The following RAI14 variants were observed in gnomAD, a reference collection of about 807,000 sequenced individuals.
RAI14 encodes the protein retinoic acid induced 14, also known as ankycorbin.
In RAI14, 45 loss-of-function variants were observed where a neutral mutation model predicts 115.4. That is an observed-to-expected ratio of 0.39 (90% confidence interval 0.31 to 0.50). RAI14 has a LOEUF of 0.50. Ranked by LOEUF, RAI14 falls within the 20% of genes least tolerant of loss-of-function variation. The probability of loss-of-function intolerance (pLI) is 0.85; values close to 1 mark genes in which losing one functional copy is unlikely to be tolerated. For missense variants in RAI14, 939 were observed against 1,131.2 expected, an observed-to-expected ratio of 0.83 and a Z score of 2.44; for synonymous variants, 371 against 415.4, an observed-to-expected ratio of 0.89 and a Z score of 1.30.
intron 1 of RAI14, among the ~76,000 whole-genome samples, chr5:34,670,031 A>G (rs936301251): frequency 6.6e-6 from 1 of 152,254 alleles, no homozygotes; most frequent in Admixed American, 6.5e-5. Context: ...GAACAAAGAA[A>G]TAAAGATGCT....
chr5:34,687,617 A>G, intron 2 of RAI14: 1 of 1,547,122 alleles, frequency 6.5e-7, no homozygotes, highest in South Asian at 1.2e-5. Context: ...AGGTCACCCC[A>G]TAAACCCTTC....
chr5:34,743,543 A>G (rs1210061956), intron 2 of RAI14, among the ~76,000 whole-genome samples: 1 of 152,222 alleles, frequency 6.6e-6, no homozygotes, highest in African/African-American at 2.4e-5. Context: ...TTCCAGGTAG[A>G]CATGAATGTT....
At chr5:34,673,975 A>G (rs1332079276) in intron 1 of RAI14, among the ~76,000 whole-genome samples, 1 of 152,120 alleles carries the variant, frequency 6.6e-6, no homozygotes, top group Non-Finnish European at 1.5e-5. Context: ...TGGGGAGGGT[A>G]GGAGGGAAGG....
intron 2 of RAI14, among the ~76,000 whole-genome samples, chr5:34,735,037 T>A (rs763421157): frequency 1.3e-5 from 2 of 152,192 alleles, no homozygotes; most frequent in Admixed American, 6.5e-5. Flanking sequence ...CTGCTTATAA[T>A]GAAAACCTGG....
At chr5:34,687,049 A>T in intron 2 of RAI14, 94 bp downstream of exon 2, 1 of 1,364,238 alleles carries the variant, frequency 7.3e-7, no homozygotes, top group South Asian at 1.2e-5. Flanking sequence ...CTGTTGGGTT[A>T]ATAAACTACA....
intron 2 of RAI14, among the ~76,000 whole-genome samples, chr5:34,744,090 T>C (rs1322688797): frequency 2.0e-5 from 3 of 152,026 alleles, no homozygotes; most frequent in Non-Finnish European, 4.4e-5. Context: ...AGCTCAGGAG[T>C]TGTGGCTGCT....
chr5:34,666,294 G>GC (rs1014675496), intron 1 of RAI14, among the ~76,000 whole-genome samples: 8 of 151,520 alleles, frequency 5.3e-5, no homozygotes, highest in African/African-American at 2.0e-4. Flanking sequence ...AGATGTCCCG[G>GC]CCCCCCGACA....
chr5:34,690,808 T>C (rs191816612), intron 2 of RAI14, among the ~76,000 whole-genome samples: 173 of 152,300 alleles, frequency 1.1e-3, no homozygotes, highest in African/African-American at 4.1e-3. Flanking sequence ...ATTTATAACT[T>C]TATTTTGGGA....
At chr5:34,797,919 T>C (rs1296668778) in intron 4 of RAI14, among the ~76,000 whole-genome samples, 1 of 152,252 alleles carries the variant, frequency 6.6e-6, no homozygotes, top group African/African-American at 2.4e-5. Flanking sequence ...TTTGTTTCAT[T>C]GTACTTGATA....
At chr5:34,715,950 A>T (rs1561270160) in intron 2 of RAI14, 5 of 320,454 alleles carry the variant, frequency 1.6e-5, no homozygotes, top group South Asian at 1.3e-4. Flanking sequence ...AGGCTTTTTT[A>T]AAAAAAGAAA....
intron 17 of RAI14, 176 bp downstream of exon 17, chr5:34,829,973 GCCCTGTTTA>G (rs1429278957): frequency 1.3e-5 from 7 of 556,734 alleles, no homozygotes; most frequent in Non-Finnish European, 2.2e-5. Flanking sequence ...GGAGCCTTGT[GCCCTGTTTA>G]CCAGGAACAG....
intron 2 of RAI14, among the ~76,000 whole-genome samples, chr5:34,720,780 T>C (rs913073652): frequency 6.6e-6 from 1 of 152,078 alleles, no homozygotes; most frequent in Non-Finnish European, 1.5e-5. Flanking sequence ...GTTTGGAGTA[T>C]GTGAGGGATA....
chr5:34,818,890 C>T lies in RAI14; in HGVS notation c.994+39C>T, dbSNP rs759377216. 3.9e-6 allele frequency: 6 copies of T among 1,543,274 alleles called. No individual in the cohort carries two copies. The East Asian group carries it at 1.3e-4, about 35-fold the overall frequency. ...GCATCTGTTTTTTTTTTTCCTTCAACCAAACTATTTCATGTCCATTTAAAG... is the reference window on the plus strand; with the variant it reads ...GCATCTGTTTTTTTTTTTCCTTCAATCAAACTATTTCATGTCCATTTAAAG... On this transcript the variant is annotated intron_variant, in intron 13 of 17. Transcript: ENST00000265109.
At chr5:34,682,524 CAAT>C (rs1294212460) in intron 1 of RAI14, among the ~76,000 whole-genome samples, 3 of 151,956 alleles carry the variant, frequency 2.0e-5, no homozygotes, top group African/African-American at 7.3e-5. Flanking sequence ...TGATAATAAA[CAAT>C]GTTACATCCA....
At chr5:34,814,868 A>G (rs1476045884) in intron 12 of RAI14, among the ~76,000 whole-genome samples, 199 bp downstream of exon 12, 1 of 152,226 alleles carries the variant, frequency 6.6e-6, no homozygotes, top group Non-Finnish European at 1.5e-5. Flanking sequence ...GTTTGTATCC[A>G]TAATAATTTA....
chr5:34,665,150 T>C (rs376515240), intron 1 of RAI14, among the ~76,000 whole-genome samples: 2,721 of 46,680 alleles, frequency 0.058, 1,073 homozygotes, highest in South Asian at 0.46. Context: ...TACACATATA[T>C]ATGTGTGTGT....
intron 2 of RAI14, among the ~76,000 whole-genome samples, chr5:34,720,361 G>A (rs974995184): frequency 9.4e-5 from 14 of 148,802 alleles, no homozygotes; most frequent in African/African-American, 1.5e-4. Flanking sequence ...ATGTTCAATC[G>A]CTTCCAGACT....
chr5:34,685,117 C>T (rs1368495750), intron 1 of RAI14: 9 of 151,762 alleles, frequency 5.9e-5, no homozygotes, highest in Admixed American at 5.9e-4. Context: ...CACAGTGGCT[C>T]ATGCCTGTAA....
intron 2 of RAI14, among the ~76,000 whole-genome samples, chr5:34,713,836 C>T (rs1237417391): frequency 2.0e-5 from 3 of 152,198 alleles, no homozygotes; most frequent in East Asian, 1.9e-4. Flanking sequence ...GATGGAGTCT[C>T]GCTCTGTCAC....
Sources: gnomAD v4.1 joint callset for allele counts (sites outside exome capture counted in the v4.1 genomes callset) on GRCh38, gnomAD v4.1.1 for gene constraint, MANE v1.5 for transcripts, NCBI Gene and HGNC (gene_info 2026-07-23, HGNC 2026-07-21) for gene names.